The following TUBB8B variants were observed in gnomAD, a reference collection of about 807,000 sequenced individuals.
TUBB8B encodes the protein HSA18p11 beta-tubulin 4Q pseudogene.
TUBB8B carries 26 observed loss-of-function variants against 31.9 expected under a neutral mutation model. The observed-to-expected ratio is 0.81, with a 90% CI of 0.60 to 1.13. The LOEUF is 1.13. TUBB8B is among the 50% of genes most tolerant of loss of function. The pLI is 0.00. For synonymous variants in TUBB8B, 173 were observed against 231.0 expected, an observed-to-expected ratio of 0.75 and a Z score of 2.28; for missense variants, 467 against 586.7, an observed-to-expected ratio of 0.80 and a Z score of 2.11.
In TUBB8B at chr18:48,288, C is replaced by T. The variant is rs1568383405; in HGVS notation, c.437G>A (p.Gly146Glu). ...THSLGGGTGS[G>E]MGTLLISKIR... ...CTTACTAATGAGAAGGGTACCCATC[C>T]CAGACCCAGTCCCCCCACCCAGGGA... is the stretch of plus-strand genomic sequence containing the variant. Residue 146 changes from glycine (G) to glutamate (E), a missense_variant, in exon 4 of 4, where the codon GGG becomes GAG. Around this residue, in one of 2 missense-constraint regions of TUBB8B, gnomAD observed 259 missense variants for 380.1 expected, o/e 0.68. Coordinates refer to ENST00000308911, the MANE Select transcript of TUBB8B (RefSeq NM_001358689.2). 6.2e-7 allele frequency: 1 copy of T among 1,612,486 alleles called. No homozygotes were observed. Among genetic ancestry groups the T allele is most frequent in the Non-Finnish European group, 8.5e-7 (1 of 1,178,866 alleles).
the TUBB8B span, among the ~76,000 whole-genome samples, chr18:59,340 C>T: frequency 4.0e-5 from 6 of 151,600 alleles, no homozygotes; most frequent in Admixed American, 1.3e-4. Context: ...ATATTCTTGT[C>T]ATCTTCCAGA....
the TUBB8B span, among the ~76,000 whole-genome samples, chr18:67,988 TA>T: frequency 1.3e-5 from 2 of 152,156 alleles, no homozygotes; most frequent in Non-Finnish European, 2.9e-5. Flanking sequence ...ATGACACCCC[TA>T]AGACTCACGT....
chr18:70,838 C>T, the TUBB8B span, among the ~76,000 whole-genome samples: 24 of 151,980 alleles, frequency 1.6e-4, no homozygotes, highest in African/African-American at 4.8e-4. Flanking sequence ...ACTTGGGAGG[C>T]TGAGGCAGGA....
chr18:68,131 G>A, the TUBB8B span, among the ~76,000 whole-genome samples: 18 of 152,202 alleles, frequency 1.2e-4, no homozygotes, highest in South Asian at 6.2e-4. Context: ...GTTTGATGTC[G>A]TCTCTGCTTT....
upstream of TUBB8B, among the ~76,000 whole-genome samples, chr18:54,064 A>T (rs1438061589): frequency 6.6e-6 from 1 of 151,640 alleles, no homozygotes; most frequent in African/African-American, 2.4e-5. Context: ...GCTATGGCTC[A>T]GGATTAAAAA....
At chr18:71,494 C>T in the TUBB8B span, among the ~76,000 whole-genome samples, 5 of 143,288 alleles carry the variant, frequency 3.5e-5, no homozygotes, top group Admixed American at 7.6e-5. Flanking sequence ...TTGCAGCGAG[C>T]GAAGATTGGG....
At chr18:64,091 C>A in the TUBB8B span, among the ~76,000 whole-genome samples, 1 of 150,174 alleles carries the variant, frequency 6.7e-6, no homozygotes. Context: ...TAACCCTAAC[C>A]CTCACCCTCA....
the TUBB8B span, among the ~76,000 whole-genome samples, chr18:63,549 T>C: frequency 1.3e-5 from 2 of 151,574 alleles, no homozygotes; most frequent in South Asian, 2.1e-4. Flanking sequence ...GAAGTAGGCA[T>C]AGAACTTGGT....
At chr18:63,512 C>G in the TUBB8B span, among the ~76,000 whole-genome samples, 1 of 151,602 alleles carries the variant, frequency 6.6e-6, no homozygotes, top group Non-Finnish European at 1.5e-5. Flanking sequence ...GAGGCCATCA[C>G]CACTGAGACT....
Position 47,828 on chromosome 18 carries a change from C to CAT in TUBB8B, c.895_896dup (p.Met299IlefsTer2). 2 of 1,611,670 alleles carry CAT rather than the reference C, an allele frequency of 1.2e-6. No individual in the cohort carries two copies. The highest frequency in any genetic ancestry group is 1.7e-6 in the Non-Finnish European group (2 of 1,179,586). ...CGTGACGGGGGTCACAGGCAGCCAT[C>CAT]ATGTTCTTAGCATCAAACATCTGCT... is the stretch of plus-strand genomic sequence containing the variant. On this transcript the variant is annotated frameshift_variant, in exon 4 of 4. Coordinates refer to ENST00000308911, the MANE Select transcript of TUBB8B (RefSeq NM_001358689.2). LOFTEE classifies it high-confidence loss of function.
At position 49,249 on chromosome 18, in the gene TUBB8B, G is replaced by C. The variant is rs757865174; in HGVS notation, c.58-12C>G. 64 of 1,531,392 alleles carry C rather than the reference G, an allele frequency of 4.2e-5. 1 individual carries two copies. The African/African-American group carries it at 7.4e-4, about 18-fold the overall frequency. The allele number at this position is 1,531,392 out of a possible 1,614,324, so 94.9% of individuals were successfully genotyped here. ...ATCACCTCCCAGAACTGCAAGAGACGGGAGGGGCCAGACAGGCCGGGGCTG... is the reference window on the plus strand; with the variant it reads ...ATCACCTCCCAGAACTGCAAGAGACCGGAGGGGCCAGACAGGCCGGGGCTG... On this transcript the variant is annotated splice_polypyrimidine_tract_variant and intron_variant, in intron 1 of 3. Coordinates refer to ENST00000308911, the MANE Select transcript of TUBB8B (RefSeq NM_001358689.2).
the TUBB8B span, among the ~76,000 whole-genome samples, chr18:72,196 A>AAAAAAAAAACAAAAAAAACAAC: frequency 2.4e-5 from 2 of 84,536 alleles, no homozygotes; most frequent in African/African-American, 7.8e-5. Flanking sequence ...AAAAAAAAAA[A>AAAAAAAAAACAAAAAAAACAAC]AAAGGAAAAA....
In TUBB8B at chr18:47,760, G is replaced by A; in HGVS notation, c.965C>T (p.Pro322Leu). Residue 322 changes from proline (P) to leucine (L), a missense_variant, in exon 4 of 4, where the codon CCC (proline) becomes CTC (leucine). Pro to Leu is a moderately conservative substitution (Grantham distance 98). Around this residue, in one of 2 missense-constraint regions of TUBB8B, gnomAD observed 208 missense variants for 206.7 expected, o/e 1.01. Transcript: ENST00000308911. ...TVAAIFRGRM[P>L]MREVDEQMFN... The stretch of plus-strand genomic sequence containing the variant: ...CATTTGTTCATCCACCTCCCTCATG[G>A]GCATGCGACCCCTGAAAATGGCAGC... The A allele has an allele frequency of 1.2e-6, 2 of 1,611,282 alleles. No homozygotes were observed. The highest frequency in any genetic ancestry group is 4.1e-4 in the Middle Eastern group (2 of 4,854).
chr18:51,953 C>T (rs1906125234), upstream of TUBB8B, among the ~76,000 whole-genome samples: 1 of 151,426 alleles, frequency 6.6e-6, no homozygotes, highest in Non-Finnish European at 1.5e-5. Flanking sequence ...CTGGGAGCAC[C>T]TGTGGACTCT....
At chr18:52,372 G>C (rs370383921), upstream of TUBB8B, among the ~76,000 whole-genome samples, 3 of 151,550 alleles carry the variant, frequency 2.0e-5, no homozygotes, top group South Asian at 6.3e-4. Context: ...TCCAAAAAGA[G>C]AAAGTGGCAA....
the TUBB8B span, among the ~76,000 whole-genome samples, chr18:63,739 T>C: frequency 4.2e-3 from 347 of 82,094 alleles, no homozygotes; most frequent in East Asian, 8.4e-3. Context: ...TAACCCTAAC[T>C]CTAACCCTAA....
chr18:49,636 A>G (rs1276597014), upstream of TUBB8B: 33 of 738,536 alleles, frequency 4.5e-5, 1 homozygote, highest in Non-Finnish European at 7.5e-5. Flanking sequence ...GCCCTCCGCT[A>G]ACGCTTAAAT....
At chr18:55,853 C>T in the TUBB8B span, among the ~76,000 whole-genome samples, 1 of 151,620 alleles carries the variant, frequency 6.6e-6, no homozygotes, top group South Asian at 2.1e-4. Flanking sequence ...TCCATTTGTC[C>T]ATGTTTGCTT....
At chr18:51,838 C>A (rs376127729), upstream of TUBB8B, among the ~76,000 whole-genome samples, 1 of 151,080 alleles carries the variant, frequency 6.6e-6, no homozygotes, top group Non-Finnish European at 1.5e-5. Context: ...CGACCATGTG[C>A]AACTGTGAGT....
Sources: gnomAD v4.1 joint callset for allele counts (sites outside exome capture counted in the v4.1 genomes callset) on GRCh38, gnomAD v4.1.1 for gene constraint, gnomAD v4.1.1 regional missense constraint, MANE v1.5 for transcripts, NCBI Gene and HGNC (gene_info 2026-07-23, HGNC 2026-07-21) for gene names.